KCNQ5: variants seen among roughly 807,000 people sequenced by gnomAD.
KCNQ5 encodes the protein potassium voltage-gated channel subfamily Q member 5, also known as potassium voltage-gated channel subfamily KQT member 5.
KCNQ5 carries 30 observed loss-of-function variants against 98.2 expected under a neutral mutation model. That is an observed-to-expected ratio of 0.31 (90% CI 0.23 to 0.41). The LOEUF (loss-of-function observed/expected upper bound fraction) is 0.41, where lower values mean the gene tolerates loss of function less well. Among genes scored for constraint, KCNQ5 ranks in the 10% least tolerant of loss-of-function variants. The pLI is 1.00. For synonymous variants in KCNQ5, 458 were observed against 449.4 expected (o/e 1.02, Z -0.24); for missense variants, 835 against 1,182.5 (o/e 0.71, Z 4.31).
chr6:73,120,684 T>C, intron 8 of KCNQ5, 107 bp downstream of exon 8: 1 of 624,450 alleles, frequency 1.6e-6, no homozygotes, highest in East Asian at 2.9e-5. Context: ...GCTTCTCTTA[T>C]TCTCTGTTGC....
chr6:72,673,297 A>C lies in KCNQ5; in HGVS notation c.398+50710A>C, dbSNP rs571976277. ...TTCCTGGTCATAATTGTTTACTTACAGAAGAAGAAGCAAGCAGTTGAAAGA... is the reference window on the plus strand; with the variant it reads ...TTCCTGGTCATAATTGTTTACTTACCGAAGAAGAAGCAAGCAGTTGAAAGA... On this transcript the variant is annotated intron_variant, in intron 1 of 13. Transcript: ENST00000370398. Among the ~76,000 whole-genome samples, 3 of 152,320 alleles carry C rather than the reference A, an allele frequency of 2.0e-5. No individual in the cohort carries two copies. The East Asian group carries it at 5.8e-4, about 29-fold the overall frequency.
intron 1 of KCNQ5, among the ~76,000 whole-genome samples, chr6:72,762,310 AG>A (rs900763298): frequency 6.6e-6 from 1 of 151,946 alleles, no homozygotes; most frequent in African/African-American, 2.4e-5. Context: ...GGAGGTGAAA[AG>A]GGAGGAGGGA....
At chr6:72,861,558 G>A (rs1274378656) in intron 1 of KCNQ5, among the ~76,000 whole-genome samples, 1 of 152,110 alleles carries the variant, frequency 6.6e-6, no homozygotes, top group Non-Finnish European at 1.5e-5. Context: ...CTGACCTTCT[G>A]CAAAAGATTC....
chr6:72,884,559 AC>A (rs1354838341), intron 1 of KCNQ5, among the ~76,000 whole-genome samples: 6 of 152,166 alleles, frequency 3.9e-5, no homozygotes, highest in Non-Finnish European at 7.3e-5. Flanking sequence ...AATCTCTGAA[AC>A]CATGTATAGT....
chr6:72,902,833 T>C (rs1779562089), intron 1 of KCNQ5, among the ~76,000 whole-genome samples: 1 of 152,274 alleles, frequency 6.6e-6, no homozygotes, highest in East Asian at 1.9e-4. Flanking sequence ...CTGATTTGGG[T>C]ATTAGGGTGA....
intron 3 of KCNQ5, among the ~76,000 whole-genome samples, chr6:73,047,042 C>T (rs1771998661): frequency 6.6e-6 from 1 of 152,122 alleles, no homozygotes; most frequent in African/African-American, 2.4e-5. Flanking sequence ...GGTGAAAGAA[C>T]CTGGATTTAT....
intron 1 of KCNQ5, among the ~76,000 whole-genome samples, chr6:72,628,338 G>C (rs2098919028): frequency 6.6e-6 from 1 of 152,142 alleles, no homozygotes; most frequent in Non-Finnish European, 1.5e-5. Context: ...AATTAATTCT[G>C]TAAGTCATTT....
At chr6:72,643,025 G>A (rs1354939326) in intron 1 of KCNQ5, among the ~76,000 whole-genome samples, 2 of 152,116 alleles carry the variant, frequency 1.3e-5, no homozygotes, top group Admixed American at 6.6e-5. Context: ...ACCAAATATT[G>A]CATGTTCTCA....
At chr6:72,750,593 T>C (rs1771625757) in intron 1 of KCNQ5, among the ~76,000 whole-genome samples, 1 of 146,780 alleles carries the variant, frequency 6.8e-6, no homozygotes, top group South Asian at 2.1e-4. Context: ...CTTTTTAAGT[T>C]CACTTGATTA....
intron 1 of KCNQ5, among the ~76,000 whole-genome samples, chr6:72,725,750 G>A (rs963631240): frequency 5.9e-5 from 9 of 152,064 alleles, no homozygotes; most frequent in East Asian, 1.9e-4. Flanking sequence ...ATTCCACAGC[G>A]TAAAAATATA....
intron 1 of KCNQ5, among the ~76,000 whole-genome samples, chr6:72,731,110 C>T (rs187841018): frequency 6.6e-6 from 1 of 152,172 alleles, no homozygotes; most frequent in Admixed American, 6.5e-5. Context: ...CCTGGCTCTA[C>T]CTCCAAATTC....
chr6:72,925,115 G>T lies in KCNQ5; in HGVS notation c.399-78793G>T, dbSNP rs972238544. 2.6e-5 allele frequency among the ~76,000 whole-genome samples: 4 copies of T among 152,240 alleles called. No individual in the cohort carries two copies. The East Asian group carries it at 7.7e-4, about 29-fold the overall frequency. On this transcript the variant is annotated intron_variant, in intron 1 of 13. Transcript: ENST00000370398. ...AAAATTCTCTCTCAGTAAAACATTAGCACCTCTTAATAAAGGGAATAATTG... is the reference window on the plus strand; with the variant it reads ...AAAATTCTCTCTCAGTAAAACATTATCACCTCTTAATAAAGGGAATAATTG...
At chr6:73,103,857 G>A (rs1774896378) in intron 5 of KCNQ5, among the ~76,000 whole-genome samples, 1 of 152,078 alleles carries the variant, frequency 6.6e-6, no homozygotes, top group African/African-American at 2.4e-5. Context: ...ATAATTAAGA[G>A]TATAATTGGA....
chr6:72,778,199 T>C (rs1352362983), intron 1 of KCNQ5, among the ~76,000 whole-genome samples: 1 of 152,186 alleles, frequency 6.6e-6, no homozygotes, highest in Non-Finnish European at 1.5e-5. Context: ...TTATAGGTTT[T>C]AGAAATCTAT....
At chr6:72,951,784 G>A (rs919966181) in intron 1 of KCNQ5, among the ~76,000 whole-genome samples, 3 of 151,996 alleles carry the variant, frequency 2.0e-5, no homozygotes, top group African/African-American at 4.8e-5. Flanking sequence ...TATGTATTAC[G>A]TACTTAGAAC....
chr6:72,706,913 T>A (rs1329937595), intron 1 of KCNQ5, among the ~76,000 whole-genome samples: 1 of 152,198 alleles, frequency 6.6e-6, no homozygotes, highest in East Asian at 1.9e-4. Flanking sequence ...TTCATATATA[T>A]AAACATGAAG....
intron 1 of KCNQ5, among the ~76,000 whole-genome samples, chr6:72,861,216 G>A (rs752246738): frequency 1.1e-4 from 16 of 152,068 alleles, no homozygotes; most frequent in Non-Finnish European, 2.1e-4. Context: ...TTTCTTTTTT[G>A]TTAATAATGA....
chr6:73,142,272 T>G (rs1776753423), intron 10 of KCNQ5, among the ~76,000 whole-genome samples: 1 of 152,148 alleles, frequency 6.6e-6, no homozygotes, highest in Non-Finnish European at 1.5e-5. Context: ...TACCAGGAGA[T>G]GAGGGCCACT....
rs377545648 is a variant in KCNQ5, at chr6:72,946,635, C to T, written c.399-57273C>T. Among the ~76,000 whole-genome samples the T allele has an allele frequency of 6.6e-5, 10 of 152,102 alleles. No homozygotes were observed. The East Asian group carries it at 1.3e-3, about 21-fold the overall frequency. The stretch of plus-strand genomic sequence containing the variant: ...GTACAACTTTGAATTTAACTATTTC[C>T]TCTAAGAAGCCAAAGACACATTTAT... On this transcript the variant is annotated intron_variant, in intron 1 of 13. Transcript: ENST00000370398.
Sources: gnomAD v4.1 joint callset for allele counts (sites outside exome capture counted in the v4.1 genomes callset) on GRCh38, gnomAD v4.1.1 for gene constraint, MANE v1.5 for transcripts, NCBI Gene and HGNC (gene_info 2026-07-23, HGNC 2026-07-21) for gene names.